XYLT2: variants seen among roughly 807,000 people sequenced by gnomAD.
XYLT2 encodes xylosyltransferase 2.
XYLT2 carries 37 observed loss-of-function variants against 82.6 expected under a neutral mutation model. The observed-to-expected ratio is 0.45, with a 90% CI of 0.34 to 0.59. The LOEUF is 0.59. XYLT2 is among the 20% of genes least tolerant of loss of function. The probability of loss-of-function intolerance (pLI) is 0.01; values close to 1 mark genes in which losing one functional copy is unlikely to be tolerated. For missense variants in XYLT2, 934 were observed against 1,181.3 expected, an observed-to-expected ratio of 0.79 and a Z score of 3.07; for synonymous variants, 474 against 499.0, an observed-to-expected ratio of 0.95 and a Z score of 0.67.
intron 9 of XYLT2, 87 bp from the exon 10 acceptor site, chr17:50,358,120 C>A (rs1015949098): frequency 8.0e-6 from 10 of 1,246,450 alleles, no homozygotes; most frequent in Non-Finnish European, 1.1e-5. Flanking sequence ...CAGTGACTGG[C>A]CTGAGATTAC....
Position 50,355,571 on chromosome 17 carries a change from G to T in XYLT2, c.1078G>T (p.Asp360Tyr). The T allele has an allele frequency of 6.2e-7, 1 of 1,614,038 alleles. No homozygotes were observed. Among genetic ancestry groups the T allele is most frequent in the Non-Finnish European group, 8.5e-7 (1 of 1,179,986 alleles). Reference sequence around the variant, plus strand: ...GAATTTCCTCAAGTCACATGGCCGGGACAACTCCAGGTGAGGGGGTGGGGA... The same window carrying T: ...GAATTTCCTCAAGTCACATGGCCGGTACAACTCCAGGTGAGGGGGTGGGGA... ...DKNFLKSHGR[D>Y]NSRFIKKQGL... The change falls in exon 5 of 11, where the codon GAC (aspartate) becomes TAC (tyrosine). Residue 360 changes from aspartate (D) to tyrosine (Y), a missense_variant. This residue lies in a region of XYLT2 where 189 missense variants were observed against 320.8 expected (regional missense o/e 0.59). Transcript: ENST00000017003.
chr17:50,361,121 GCAACAGA>G lies in XYLT2; in HGVS notation c.*831_*837del, dbSNP rs1912792279. The G allele has an allele frequency of 2.0e-6, 2 of 985,798 alleles. No homozygotes were observed. The highest frequency in any genetic ancestry group is 2.4e-6 in the Non-Finnish European group (2 of 829,948). 61.1% of individuals were successfully genotyped at this position (985,798 alleles called of 1,614,324 possible). ...AAGCTCAGCGTGAAGTCTGAAATAT[GCAACAGA>G]AGAAATATATCTCTATCTCTCTACT... On this transcript the variant is annotated 3_prime_UTR_variant, in exon 11 of 11. Transcript: ENST00000017003.
chr17:50,354,123 G>A lies in XYLT2; in HGVS notation c.628+1G>A. ...GTGCCCCGGCACTGTCAGCTGACTG[G>A]TGAGGGACAGGGGTGCTCCAGCCCT... On this transcript the variant is annotated splice_donor_variant, in intron 2 of 10. Coordinates refer to ENST00000017003, the MANE Select transcript of XYLT2 (RefSeq NM_022167.4). LOFTEE classifies it high-confidence loss of function. 6.2e-7 allele frequency: 1 copy of A among 1,602,464 alleles called. No homozygotes were observed. The highest frequency in any genetic ancestry group is 8.5e-7 in the Non-Finnish European group (1 of 1,179,930).
Position 50,346,306 on chromosome 17 carries a change from CGG to C in XYLT2, c.135+33_135+34del. 1 of 1,041,924 alleles carries C rather than the reference CGG, an allele frequency of 9.6e-7. No homozygotes were observed. The allele number at this position is 1,041,924 out of a possible 1,614,324, so 64.5% of individuals were successfully genotyped here. On this transcript the variant is annotated intron_variant, in intron 1 of 10. Transcript: ENST00000017003. This position sits in a 1 kb window ranked among gnomAD's most constrained non-coding sequence, Gnocchi z 5.1. Reference sequence around the variant, plus strand: ...CCGACGGCCGGGCGGGCGGGCAGGCCGGGCGCGGGGGCGCGCGGGGTCCTGGC... The same window carrying C: ...CCGACGGCCGGGCGGGCGGGCAGGCCGCGCGGGGGCGCGCGGGGTCCTGGC...
chr17:50,357,592 CTTTTT>C, intron 9 of XYLT2: 11 of 156,394 alleles, frequency 7.0e-5, no homozygotes, highest in South Asian at 2.1e-4. Flanking sequence ...TCCTCATAGT[CTTTTT>C]TTTTTTTTTT....
chr17:50,355,624 C>T, intron 5 of XYLT2, 43 bp downstream of exon 5: 1 of 1,610,246 alleles, frequency 6.2e-7, no homozygotes, highest in Non-Finnish European at 8.5e-7. Flanking sequence ...GAGTCTTGTC[C>T]CAACCCCTCC....
In XYLT2 at chr17:50,357,157, G is replaced by A. The variant is rs745591985; in HGVS notation, c.1846G>A (p.Gly616Arg). 1.2e-6 allele frequency: 2 copies of A among 1,613,480 alleles called. No homozygotes were observed. Among genetic ancestry groups the A allele is most frequent in the East Asian group, 4.5e-5 (2 of 44,870 alleles). The change falls in exon 9 of 11, where the codon GGG (glycine) becomes AGG (arginine). Residue 616 changes from glycine (G) to arginine (R), a missense_variant. Physicochemically the swap from Gly to Arg is moderately radical, Grantham distance 125. Coordinates refer to ENST00000017003, the MANE Select transcript of XYLT2 (RefSeq NM_022167.4). ...GCAGGCGGTGCAGCCCTCAGCCCAG[G>A]GGCCGGCAGAGACGCTTGAGATGTG... Reference protein sequence around the residue: ...VTQAVQPSAQGPAETLEMWLM... With the variant: ...VTQAVQPSAQRPAETLEMWLM...
Position 50,356,495 on chromosome 17 carries a change from G to C in XYLT2, c.1483-16G>C. 1 of 1,612,756 alleles carries C rather than the reference G, an allele frequency of 6.2e-7. No individual in the cohort carries two copies. The highest frequency in any genetic ancestry group is 2.2e-5 in the East Asian group (1 of 44,868). ...GCTTCCAGAGCCCTTCACCCTCCTT[G>C]CCTCTCCCACTCCAGCAAGTCTCCA... On this transcript the variant is annotated splice_polypyrimidine_tract_variant and intron_variant, in intron 7 of 10. Coordinates refer to ENST00000017003, the MANE Select transcript of XYLT2 (RefSeq NM_022167.4).
At position 50,354,487 on chromosome 17, in the gene XYLT2, C is replaced by T. The variant is rs1377666929; in HGVS notation, c.708C>T (p.Tyr236=). 6.2e-7 allele frequency: 1 copy of T among 1,613,292 alleles called. No individual in the cohort carries two copies. The highest frequency in any genetic ancestry group is 1.1e-5 in the South Asian group (1 of 91,066). Residue 236 remains tyrosine (Y), a synonymous_variant, in exon 3 of 11, where the codon TAC becomes TAT. Transcript: ENST00000017003. ...ATGGCCCCCCGGTGCGAATCGCCTA[C>T]ATGCTGGTGGTTCACGGCCGCGCCA... ...PMDGPPVRIA[Y]MLVVHGRAIR... is the part of the protein sequence containing the mutation.
Position 50,358,483 on chromosome 17 carries a change from G to A in XYLT2, c.2218G>A (p.Glu740Lys). ...CCTTCAGTTCTGGGAACCGCTGGGT[G>A]AGACCCGCTTCCTTGTGCTGCCCTT... ...RLLQFWEPLG[E>K]TRFLVLPLTF... The change falls in exon 10 of 11, where the codon GAG (glutamate) becomes AAG (lysine). Residue 740 changes from glutamate to lysine, a missense_variant. Physicochemically the swap from Glu to Lys is moderately conservative, Grantham distance 56. Around this residue, in one of 3 missense-constraint regions of XYLT2, gnomAD observed 374 missense variants for 465.6 expected, o/e 0.80. Coordinates refer to ENST00000017003, the MANE Select transcript of XYLT2 (RefSeq NM_022167.4). 1 of 1,614,198 alleles carries A rather than the reference G, an allele frequency of 6.2e-7. No individual in the cohort carries two copies.
chr17:50,354,089 C>G lies in XYLT2; in HGVS notation c.595C>G (p.Pro199Ala), dbSNP rs1231139176. 1 of 1,606,374 alleles carries G rather than the reference C, an allele frequency of 6.2e-7. No homozygotes were observed. ...VCLHQAGSLMPKAVPRHCQLT... is the reference protein window; with the variant it reads ...VCLHQAGSLMAKAVPRHCQLT... ...CCTGCACCAGGCTGGGAGCCTCATGCCCAAGGCTGTGCCCCGGCACTGTCA... is the reference window on the plus strand; with the variant it reads ...CCTGCACCAGGCTGGGAGCCTCATGGCCAAGGCTGTGCCCCGGCACTGTCA... The change falls in exon 2 of 11, where the codon CCC becomes GCC. Residue 199 changes from proline (P) to alanine (A), a missense_variant. Around this residue, in one of 3 missense-constraint regions of XYLT2, gnomAD observed 371 missense variants for 394.9 expected, o/e 0.94. Coordinates refer to ENST00000017003, the MANE Select transcript of XYLT2 (RefSeq NM_022167.4).
At position 50,357,159 on chromosome 17, in the gene XYLT2, G is replaced by A. The variant is rs771905924; in HGVS notation, c.1848G>A (p.Gly616=). ...VTQAVQPSAQ[G]PAETLEMWLM... is the part of the protein sequence containing the mutation. ...AGGCGGTGCAGCCCTCAGCCCAGGG[G>A]CCGGCAGAGACGCTTGAGATGTGGC... The change falls in exon 9 of 11, where the codon GGG becomes GGA. Residue 616 remains glycine (G), a synonymous_variant. Coordinates refer to ENST00000017003, the MANE Select transcript of XYLT2 (RefSeq NM_022167.4). 6.2e-7 allele frequency: 1 copy of A among 1,613,360 alleles called. No individual in the cohort carries two copies. The highest frequency in any genetic ancestry group is 8.5e-7 in the Non-Finnish European group (1 of 1,179,940).
Position 50,356,150 on chromosome 17 carries a change from G to A in XYLT2, c.1371G>A (p.Arg457=). 2 of 1,614,178 alleles carry A rather than the reference G, an allele frequency of 1.2e-6. No homozygotes were observed. Among genetic ancestry groups the A allele is most frequent in the Non-Finnish European group, 1.7e-6 (2 of 1,180,024 alleles). Residue 457 remains arginine, a synonymous_variant, in exon 7 of 11, where the codon CGG becomes CGA. Coordinates refer to ENST00000017003, the MANE Select transcript of XYLT2 (RefSeq NM_022167.4). ...AGACCCTCGTGGACAACAACCTGCG[G>A]GTCACCAACTGGAACCGCAAGCTGG... The part of the protein sequence containing the change: ...ACETLVDNNL[R]VTNWNRKLGC...
At position 50,360,763 on chromosome 17, in the gene XYLT2, C is replaced by T; in HGVS notation, c.*472C>T. 2 of 987,078 alleles carry T rather than the reference C, an allele frequency of 2.0e-6. No homozygotes were observed. The highest frequency in any genetic ancestry group is 2.4e-6 in the Non-Finnish European group (2 of 830,932). 61.1% of individuals were successfully genotyped at this position (987,078 alleles called of 1,614,324 possible). A position where few individuals can be genotyped will look rare whatever the true frequency, so the allele number is the denominator to read the frequency against. Reference sequence around the variant, plus strand: ...CTGCCTCACTCTCCAGGGCCTCATGCCCCATTCTGGGCCTGTGGTGCTCGT... The same window carrying T: ...CTGCCTCACTCTCCAGGGCCTCATGTCCCATTCTGGGCCTGTGGTGCTCGT... On this transcript the variant is annotated 3_prime_UTR_variant, in exon 11 of 11. Transcript: ENST00000017003.
At chr17:50,349,071 G>A (rs1912149899) in intron 1 of XYLT2, among the ~76,000 whole-genome samples, 1 of 152,178 alleles carries the variant, frequency 6.6e-6, no homozygotes, top group South Asian at 2.1e-4. Flanking sequence ...AGCTCCCACT[G>A]CAGTGCAGGG....
Position 50,361,003 on chromosome 17 carries a change from T to C in XYLT2, c.*712T>C. The stretch of plus-strand genomic sequence containing the variant: ...AGGGCCCACTGAGACCCATGCAGAG[T>C]TTCCAGGTGTGCACTGGAAGTGAGG... On this transcript the variant is annotated 3_prime_UTR_variant, in exon 11 of 11. Coordinates refer to ENST00000017003, the MANE Select transcript of XYLT2 (RefSeq NM_022167.4). 1 of 985,262 alleles carries C rather than the reference T, an allele frequency of 1.0e-6. No individual in the cohort carries two copies. The highest frequency in any genetic ancestry group is 1.2e-6 in the Non-Finnish European group (1 of 829,770). 61.0% of individuals were successfully genotyped at this position (985,262 alleles called of 1,614,324 possible).
In XYLT2 at chr17:50,355,528, A is replaced by G. The variant is rs1248994624; in HGVS notation, c.1035A>G (p.Leu345=). Residue 345 remains leucine (L), a synonymous_variant, in exon 5 of 11, where the codon CTA becomes CTG. Transcript: ENST00000017003. The part of the protein sequence containing the change: ...TRTNEELVAF[L]SKNRDKNFLK... ...CCAATGAGGAGCTGGTGGCATTCCTATCCAAGAACCGGGACAAGAATTTCC... is the reference window on the plus strand; with the variant it reads ...CCAATGAGGAGCTGGTGGCATTCCTGTCCAAGAACCGGGACAAGAATTTCC... The G allele has an allele frequency of 1.9e-6, 3 of 1,613,958 alleles. No homozygotes were observed. The highest frequency in any genetic ancestry group is 4.5e-5 in the East Asian group (2 of 44,876).
At chr17:50,347,545 C>A (rs1411857033) in intron 1 of XYLT2, among the ~76,000 whole-genome samples, 1 of 152,014 alleles carries the variant, frequency 6.6e-6, no homozygotes, top group Admixed American at 6.6e-5. Flanking sequence ...TGTTTCAGGC[C>A]CAGTGTAAGA....
chr17:50,353,330 A>C (rs896054578), intron 1 of XYLT2, among the ~76,000 whole-genome samples: 4 of 152,112 alleles, frequency 2.6e-5, no homozygotes, highest in African/African-American at 4.8e-5. Flanking sequence ...TCTGCTGAAA[A>C]AGGAAGTGGT....
Sources: gnomAD v4.1 joint callset for allele counts (sites outside exome capture counted in the v4.1 genomes callset) on GRCh38, gnomAD v4.1.1 for gene constraint, gnomAD v4.1.1 regional missense constraint, Gnocchi (gnomAD v3.1) non-coding constraint, MANE v1.5 for transcripts, NCBI Gene and HGNC (gene_info 2026-07-23, HGNC 2026-07-21) for gene names.